Variants in C8orf34 observed in about 807,000 individuals in gnomAD.
C8orf34 encodes the protein uncharacterized protein C8orf34.
A neutral mutation model predicts 68.3 loss-of-function variants in C8orf34; 65 were observed. The observed-to-expected ratio is 0.95, with a 90% CI of 0.78 to 1.17. C8orf34 has a LOEUF of 1.17. Among genes scored for constraint, C8orf34 ranks in the 50% most tolerant of loss-of-function variants. The pLI is 0.00. For missense variants in C8orf34, 664 were observed against 655.4 expected (o/e 1.01, Z -0.14); for synonymous variants, 244 against 241.2 (o/e 1.01, Z -0.11).
intron 8 of C8orf34, among the ~76,000 whole-genome samples, chr8:68,642,153 G>A (rs1441070200): frequency 6.6e-6 from 1 of 152,146 alleles, no homozygotes; most frequent in Non-Finnish European, 1.5e-5. Flanking sequence ...TAGTCATTCT[G>A]CTTTATTGGT....
intron 7 of C8orf34, among the ~76,000 whole-genome samples, chr8:68,560,911 C>T (rs75703352): frequency 6.6e-6 from 1 of 151,044 alleles, no homozygotes; most frequent in Non-Finnish European, 1.5e-5. Context: ...ATTTTTCTTT[C>T]TTCATTAATA....
chr8:68,677,289 G>A (rs1027224069), intron 8 of C8orf34, among the ~76,000 whole-genome samples: 1 of 152,132 alleles, frequency 6.6e-6, no homozygotes, highest in African/African-American at 2.4e-5. Flanking sequence ...TACTAAGAGG[G>A]AAGTTTATAG....
intron 7 of C8orf34, among the ~76,000 whole-genome samples, chr8:68,600,219 C>T (rs1405301878): frequency 6.6e-6 from 1 of 152,062 alleles, no homozygotes; most frequent in African/African-American, 2.4e-5. Flanking sequence ...TGTTTTACCA[C>T]TTTGAGTCAA....
intron 3 of C8orf34, among the ~76,000 whole-genome samples, chr8:68,452,588 A>G (rs1811389999): frequency 6.6e-6 from 1 of 150,696 alleles, no homozygotes; most frequent in South Asian, 2.1e-4. Context: ...GACTATTCAT[A>G]CACTTAGCTC....
At chr8:68,637,021 T>C (rs1355950286) in intron 7 of C8orf34, among the ~76,000 whole-genome samples, 2 of 152,150 alleles carry the variant, frequency 1.3e-5, no homozygotes, top group African/African-American at 2.4e-5. Context: ...GAGAACCAAG[T>C]AGCCTTTTGT....
At chr8:68,598,031 CATT>C (rs1206902037) in intron 7 of C8orf34, among the ~76,000 whole-genome samples, 1 of 152,046 alleles carries the variant, frequency 6.6e-6, no homozygotes, top group Non-Finnish European at 1.5e-5. Flanking sequence ...CAATGTTAAT[CATT>C]GTTTTTAAAA....
chr8:68,769,053 T>C (rs1823265319), intron 10 of C8orf34, among the ~76,000 whole-genome samples: 1 of 152,082 alleles, frequency 6.6e-6, no homozygotes, highest in Non-Finnish European at 1.5e-5. Flanking sequence ...TACAATCAAT[T>C]TGCTAGAATA....
At chr8:68,775,510 A>T (rs1823489279) in intron 10 of C8orf34, among the ~76,000 whole-genome samples, 1 of 152,104 alleles carries the variant, frequency 6.6e-6, no homozygotes, top group African/African-American at 2.4e-5. Context: ...TGTGATTACT[A>T]GTGCTCAGTG....
intron 3 of C8orf34, among the ~76,000 whole-genome samples, chr8:68,448,843 C>A (rs1469475927): frequency 6.6e-6 from 1 of 151,850 alleles, no homozygotes; most frequent in Non-Finnish European, 1.5e-5. Flanking sequence ...CAAAAAGAAG[C>A]CTATATGGCT....
Position 68,761,556 on chromosome 8 carries a change from T to C in C8orf34, c.1405-14843T>C, listed in dbSNP as rs530029088. Among the ~76,000 whole-genome samples the C allele has an allele frequency of 3.0e-4, 46 of 152,350 alleles. No individual in the cohort carries two copies. The South Asian group carries it at 9.3e-3, about 31-fold the overall frequency. On this transcript the variant is annotated intron_variant, in intron 10 of 13. Transcript: ENST00000518698. ...TCAGTTAAACACAATACTCTTTCTT[T>C]AGGTCTTCTGTCCTTCGGATGAAAA...
chr8:68,598,532 G>T (rs889941548), intron 7 of C8orf34, among the ~76,000 whole-genome samples: 22 of 152,076 alleles, frequency 1.4e-4, no homozygotes, highest in African/African-American at 5.3e-4. Context: ...TGGCTTTAGG[G>T]TATCAACAAA....
At chr8:68,817,304 T>A (rs1333044368) in intron 13 of C8orf34, among the ~76,000 whole-genome samples, 1 of 152,068 alleles carries the variant, frequency 6.6e-6, no homozygotes, top group African/African-American at 2.4e-5. Flanking sequence ...GAGAAAGTAA[T>A]GTCTAAGGGT....
At chr8:68,485,724 A>AT (rs1554561964) in intron 4 of C8orf34, among the ~76,000 whole-genome samples, 120 of 147,276 alleles carry the variant, frequency 8.1e-4, no homozygotes, top group African/African-American at 1.3e-3. Flanking sequence ...AAAAAAATAA[A>AT]AAATAAATAA....
intron 10 of C8orf34, among the ~76,000 whole-genome samples, chr8:68,761,469 C>T (rs1048960720): frequency 6.6e-6 from 1 of 152,118 alleles, no homozygotes; most frequent in Non-Finnish European, 1.5e-5. Flanking sequence ...ATCTATAAGC[C>T]CCAATTTGAC....
chr8:68,811,997 A>G (rs1010990836), intron 12 of C8orf34, among the ~76,000 whole-genome samples: 5 of 152,224 alleles, frequency 3.3e-5, no homozygotes, highest in African/African-American at 1.2e-4. Flanking sequence ...TAAAGATAAC[A>G]TCAAGAGAGG....
chr8:68,386,158 C>T (rs1006770000), intron 1 of C8orf34, among the ~76,000 whole-genome samples: 11 of 152,124 alleles, frequency 7.2e-5, no homozygotes, highest in Non-Finnish European at 1.0e-4. Flanking sequence ...CCTCACACCT[C>T]GGCCTCCTAA....
intron 7 of C8orf34, chr8:68,534,163 A>T (rs1815367375): frequency 2.0e-6 from 2 of 985,366 alleles, no homozygotes; most frequent in Non-Finnish European, 2.4e-6. Context: ...CAAAGGTGTT[A>T]TTTGGTCAAT....
At chr8:68,617,097 A>G (rs1250150469) in intron 7 of C8orf34, among the ~76,000 whole-genome samples, 7 of 152,106 alleles carry the variant, frequency 4.6e-5, no homozygotes, top group African/African-American at 1.7e-4. Context: ...TTTATCAGAG[A>G]CTAGGATTGC....
intron 7 of C8orf34, among the ~76,000 whole-genome samples, chr8:68,552,416 T>C (rs1816103471): frequency 6.6e-6 from 1 of 152,182 alleles, no homozygotes; most frequent in Non-Finnish European, 1.5e-5. Flanking sequence ...CTTCCTTTGT[T>C]AAATTTAGTC....
Sources: allele counts gnomAD v4.1 joint callset (sites outside exome capture counted in the v4.1 genomes callset), GRCh38; gene constraint gnomAD v4.1.1; transcripts MANE v1.5; gene names NCBI Gene and HGNC (gene_info 2026-07-23, HGNC 2026-07-21).